The following PEAK1 variants were observed in gnomAD, a reference collection of about 807,000 sequenced individuals.
PEAK1 encodes the protein inactive tyrosine-protein kinase PEAK1.
PEAK1 carries 54 observed loss-of-function variants against 124.7 expected under a neutral mutation model. That is an observed-to-expected ratio of 0.43 (90% CI 0.35 to 0.54). The LOEUF (loss-of-function observed/expected upper bound fraction) is 0.54. PEAK1 is among the 20% of genes least tolerant of loss of function. The probability of loss-of-function intolerance (pLI) is 0.01; values close to 1 mark genes in which losing one functional copy is unlikely to be tolerated. For missense variants in PEAK1, 2,046 were observed against 2,134.5 expected (o/e 0.96, Z 0.82); for synonymous variants, 719 against 760.0 (o/e 0.95, Z 0.89).
chr15:77,417,305 T>C (rs1218167100), intron 1 of PEAK1: 2 of 963,456 alleles, frequency 2.1e-6, no homozygotes, highest in East Asian at 1.1e-4. Context: ...CAAACATTTG[T>C]CAAACAAATG....
In PEAK1 at chr15:77,332,322, G is replaced by A. The variant is rs760394101; in HGVS notation, c.-603+32841C>T. The A allele has an allele frequency of 4.7e-5, 46 of 980,920 alleles. No homozygotes were observed. In the Admixed American group the frequency reaches 7.4e-4, roughly 16 times the overall value. 60.8% of individuals were successfully genotyped at this position (980,920 alleles called of 1,614,324 possible). The stretch of plus-strand genomic sequence containing the variant: ...TTGTTTGTTGAAAAATTTTTTGGCC[G>A]GGTGCGGTGGCTCACACCTGTAATC... On this transcript the variant is annotated intron_variant, in intron 2 of 9. Transcript: ENST00000682557.
chr15:77,337,202 T>A, intron 2 of PEAK1: 3 of 982,316 alleles, frequency 3.1e-6, no homozygotes, highest in Non-Finnish European at 2.4e-6. Context: ...GTAAAAGAAG[T>A]CCAAATAAAC....
At chr15:77,128,283 G>T (rs534260479) in intron 9 of PEAK1, among the ~76,000 whole-genome samples, 1 of 152,254 alleles carries the variant, frequency 6.6e-6, no homozygotes, top group South Asian at 2.1e-4. Flanking sequence ...ATAAAGGAAG[G>T]CTACTGAACT....
chr15:77,225,242 C>T (rs2059576926), intron 6 of PEAK1, among the ~76,000 whole-genome samples: 1 of 151,944 alleles, frequency 6.6e-6, no homozygotes, highest in Admixed American at 6.6e-5. Flanking sequence ...TTTCAAGTAT[C>T]ACACTACATT....
intron 2 of PEAK1, among the ~76,000 whole-genome samples, chr15:77,342,156 T>TAA (rs34828008): frequency 2.9e-4 from 41 of 140,328 alleles, no homozygotes; most frequent in African/African-American, 9.0e-4. Flanking sequence ...TTCATTATGG[T>TAA]AAAAAAAAAA....
Position 77,313,726 on chromosome 15 carries a change from G to GTGTATA in PEAK1, c.-602-27223_-602-27222insTATACA, listed in dbSNP as rs1462211130. 7.5e-4 allele frequency among the ~76,000 whole-genome samples: 81 copies of GTGTATA among 108,592 alleles called. 1 individual carries two copies. Among genetic ancestry groups the GTGTATA allele is most frequent in the African/African-American group, 2.6e-3 (77 of 29,284 alleles). The allele number at this position is 108,592 out of a possible 152,430, so 71.2% of individuals were successfully genotyped here. On this transcript the variant is annotated intron_variant, in intron 2 of 9. Transcript: ENST00000682557. ...TATATGTATGTGTGTGTGTGTGTGTGTATATATATATATATTTATTTATTT... is the reference window on the plus strand; with the variant it reads ...TATATGTATGTGTGTGTGTGTGTGTGTGTATATATATATATATATATTTATTTATTT...
chr15:77,106,597 C>T (rs11630804), downstream of PEAK1: 15,626 of 152,218 alleles, frequency 0.1, 1,026 homozygotes, highest in Middle Eastern at 0.2. Flanking sequence ...ATCTCCTGAC[C>T]TCGTGATCCG....
At chr15:77,404,055 A>C in intron 1 of PEAK1, 1 of 984,374 alleles carries the variant, frequency 1.0e-6, no homozygotes, top group Non-Finnish European at 1.2e-6. Flanking sequence ...ATATAGAATC[A>C]ATTTTACTGA....
At chr15:77,395,793 C>T (rs973331422) in intron 1 of PEAK1, among the ~76,000 whole-genome samples, 9 of 152,106 alleles carry the variant, frequency 5.9e-5, no homozygotes, top group African/African-American at 2.2e-4. Flanking sequence ...TTATCAACAA[C>T]AGACCCCTTC....
intron 6 of PEAK1, among the ~76,000 whole-genome samples, chr15:77,233,811 A>G (rs1035795726): frequency 6.6e-6 from 1 of 152,224 alleles, no homozygotes; most frequent in African/African-American, 2.4e-5. Flanking sequence ...TGAATAAAAC[A>G]TATTTTTCTG....
chr15:77,265,871 G>C (rs1304812768), intron 5 of PEAK1, among the ~76,000 whole-genome samples: 2 of 152,118 alleles, frequency 1.3e-5, no homozygotes, highest in Non-Finnish European at 2.9e-5. Flanking sequence ...GTCCAACAAT[G>C]ATAGACTGGA....
At chr15:77,314,823 T>C (rs1212025099) in intron 2 of PEAK1, among the ~76,000 whole-genome samples, 1 of 152,146 alleles carries the variant, frequency 6.6e-6, no homozygotes, top group Non-Finnish European at 1.5e-5. Context: ...TACTTTTGCT[T>C]TCCGTAGTTT....
chr15:77,200,295 T>C (rs771878417), intron 6 of PEAK1, among the ~76,000 whole-genome samples: 2 of 152,246 alleles, frequency 1.3e-5, no homozygotes, highest in African/African-American at 2.4e-5. Flanking sequence ...ATCGTACATA[T>C]AGAATACAAA....
chr15:77,204,556 C>G (rs1401828785), intron 6 of PEAK1: 1 of 152,676 alleles, frequency 6.5e-6, no homozygotes, highest in Non-Finnish European at 1.5e-5. Context: ...GTCATACCCT[C>G]CCCACTGCCA....
chr15:77,416,833 T>C (rs944109944), intron 1 of PEAK1, among the ~76,000 whole-genome samples: 21 of 152,378 alleles, frequency 1.4e-4, no homozygotes, highest in African/African-American at 4.1e-4. Flanking sequence ...TCAATATTAC[T>C]TTTTATACTG....
chr15:77,142,287 T>A (rs913810684), intron 8 of PEAK1, among the ~76,000 whole-genome samples: 9 of 152,172 alleles, frequency 5.9e-5, no homozygotes, highest in Non-Finnish European at 1.2e-4. Flanking sequence ...ATCTACTAGG[T>A]TAGCTGTAAT....
intron 2 of PEAK1, among the ~76,000 whole-genome samples, chr15:77,319,742 T>A (rs1393857058): frequency 6.6e-6 from 1 of 152,186 alleles, no homozygotes; most frequent in Non-Finnish European, 1.5e-5. Context: ...TCTTAAATAG[T>A]TCTACCCCAC....
intron 2 of PEAK1, among the ~76,000 whole-genome samples, chr15:77,327,731 T>A (rs1301929058): frequency 6.6e-6 from 1 of 151,998 alleles, no homozygotes; most frequent in Non-Finnish European, 1.5e-5. Context: ...TCCATACCCA[T>A]GCTAGATTTT....
chr15:77,112,630 A>G lies in PEAK1; in HGVS notation c.*1526T>C, dbSNP rs1315437684. Reference sequence around the variant, plus strand: ...TAAACACATACTCACAGTTTTGAATAAAACAAGCACAGGTGAACATGTGTA... The same window carrying G: ...TAAACACATACTCACAGTTTTGAATGAAACAAGCACAGGTGAACATGTGTA... On this transcript the variant is annotated 3_prime_UTR_variant, in exon 10 of 10. Coordinates refer to ENST00000682557, the MANE Select transcript of PEAK1 (RefSeq NM_001385026.1). The G allele has an allele frequency of 1.3e-5, 2 of 151,454 alleles. No individual in the cohort carries two copies. The highest frequency in any genetic ancestry group is 6.6e-5 in the Admixed American group (1 of 15,168). 9.4% of individuals were successfully genotyped at this position (151,454 alleles called of 1,614,324 possible).
Sources: allele counts gnomAD v4.1 joint callset (sites outside exome capture counted in the v4.1 genomes callset), GRCh38; gene constraint gnomAD v4.1.1; transcripts MANE v1.5; gene names NCBI Gene and HGNC (gene_info 2026-07-23, HGNC 2026-07-21).